The following LIN28B variants were observed in gnomAD, a reference collection of about 807,000 sequenced individuals.
The protein encoded by LIN28B is protein lin-28 homolog B.
Under a neutral mutation model 21.9 loss-of-function variants are expected in LIN28B, and 5 were observed. The ratio of observed to expected loss-of-function variants is 0.23; its 90% confidence interval spans 0.12 to 0.48. The LOEUF is 0.48. Among genes scored for constraint, LIN28B ranks in the 20% least tolerant of loss-of-function variants. The pLI is 0.98. For synonymous variants in LIN28B, 109 were observed against 111.3 expected, an observed-to-expected ratio of 0.98 and a Z score of 0.13; for missense variants, 245 against 310.5, an observed-to-expected ratio of 0.79 and a Z score of 1.58.
At chr6:105,031,199 T>C (rs1273792417) in intron 3 of LIN28B, among the ~76,000 whole-genome samples, 1 of 152,094 alleles carries the variant, frequency 6.6e-6, no homozygotes, top group East Asian at 1.9e-4. Flanking sequence ...TTTCTGAAAG[T>C]TATAATCTGT....
chr6:105,030,036 G>A (rs989380448), intron 3 of LIN28B, among the ~76,000 whole-genome samples: 1 of 152,134 alleles, frequency 6.6e-6, no homozygotes, highest in Admixed American at 6.6e-5. Flanking sequence ...TACTCTTACT[G>A]TGTGTCTTAT....
chr6:105,027,538 ATCTT>A (rs1314061181), intron 3 of LIN28B, among the ~76,000 whole-genome samples: 24 of 151,870 alleles, frequency 1.6e-4, no homozygotes, highest in African/African-American at 2.7e-4. Context: ...TAGGATATGA[ATCTT>A]TCTTCTCAAA....
At chr6:105,032,774 C>T (rs754274754) in intron 3 of LIN28B, among the ~76,000 whole-genome samples, 7 of 151,906 alleles carry the variant, frequency 4.6e-5, no homozygotes, top group Non-Finnish European at 8.8e-5. Flanking sequence ...GATATCTCAT[C>T]ATGGTTTTAA....
At chr6:105,026,732 C>T (rs1056094467) in intron 3 of LIN28B, among the ~76,000 whole-genome samples, 2 of 152,102 alleles carry the variant, frequency 1.3e-5, no homozygotes, top group African/African-American at 4.8e-5. Context: ...TCTGAGACCC[C>T]AGTTGAGGAG....
chr6:104,961,333 TACAA>T (rs1562072724), intron 2 of LIN28B, among the ~76,000 whole-genome samples: 1 of 152,214 alleles, frequency 6.6e-6, no homozygotes, highest in African/African-American at 2.4e-5. Flanking sequence ...TCTCGAGTAA[TACAA>T]ACACAGATTT....
At chr6:104,963,546 T>C (rs1197228629) in intron 2 of LIN28B, among the ~76,000 whole-genome samples, 2 of 152,220 alleles carry the variant, frequency 1.3e-5, no homozygotes, top group Non-Finnish European at 2.9e-5. Context: ...TTAAAGATTA[T>C]TGGTGTACTT....
At chr6:104,988,364 CT>C (rs967338832) in intron 2 of LIN28B, among the ~76,000 whole-genome samples, 3 of 151,074 alleles carry the variant, frequency 2.0e-5, no homozygotes, top group Non-Finnish European at 4.4e-5. Context: ...GATATAAAGC[CT>C]GATTTATAAG....
At chr6:104,970,477 G>A (rs867574231) in intron 2 of LIN28B, among the ~76,000 whole-genome samples, 6 of 152,048 alleles carry the variant, frequency 3.9e-5, no homozygotes, top group Admixed American at 6.6e-5. Context: ...AATATTTATC[G>A]ATATGTGTCT....
chr6:105,016,986 G>A (rs891367704), intron 2 of LIN28B, among the ~76,000 whole-genome samples: 1 of 148,248 alleles, frequency 6.7e-6, no homozygotes, highest in African/African-American at 2.5e-5. Context: ...AGTGAGAGGA[G>A]CCCTTGAGCC....
At position 105,078,549 on chromosome 6, in the gene LIN28B, C is replaced by T. The variant is rs140802515; in HGVS notation, c.519C>T (p.Pro173=). 1.3e-4 allele frequency: 209 copies of T among 1,614,072 alleles called. No homozygotes were observed. In the African/African-American group the frequency reaches 2.4e-3, roughly 18 times the overall value. ...NCPHKNVAQP[P]ASSQGRQEAE... Reference sequence around the variant, plus strand: ...CACATAAAAATGTTGCACAGCCACCCGCGAGTTCTCAGGGAAGACAGGAAG... The same window carrying T: ...CACATAAAAATGTTGCACAGCCACCTGCGAGTTCTCAGGGAAGACAGGAAG... Residue 173 remains proline, a synonymous_variant, in exon 4 of 4, where the codon CCC becomes CCT. Transcript: ENST00000345080.
intron 2 of LIN28B, among the ~76,000 whole-genome samples, chr6:105,015,614 C>G (rs1771011780): frequency 6.6e-6 from 1 of 152,066 alleles, no homozygotes; most frequent in Admixed American, 6.6e-5. Context: ...TTATGTCTTT[C>G]TGCTGCTGTC....
intron 3 of LIN28B, chr6:105,058,082 C>T (rs1248583807): frequency 4.9e-6 from 2 of 404,930 alleles, no homozygotes; most frequent in South Asian, 1.8e-5. Context: ...AATTTTTTGA[C>T]TCCTGGCTTG....
chr6:105,049,458 C>G (rs1771845462), intron 3 of LIN28B, among the ~76,000 whole-genome samples: 1 of 152,160 alleles, frequency 6.6e-6, no homozygotes, highest in African/African-American at 2.4e-5. Flanking sequence ...TGATGTGGTG[C>G]TGAGAAGAAT....
intron 2 of LIN28B, among the ~76,000 whole-genome samples, chr6:105,004,902 A>T (rs1300089027): frequency 6.6e-6 from 1 of 152,102 alleles, no homozygotes; most frequent in Non-Finnish European, 1.5e-5. Context: ...GGCCTGCTTG[A>T]TAGCTATTGT....
intron 2 of LIN28B, among the ~76,000 whole-genome samples, chr6:105,000,092 T>C (rs1770691284): frequency 6.6e-6 from 1 of 152,020 alleles, no homozygotes; most frequent in African/African-American, 2.4e-5. Context: ...AATACAGAAG[T>C]TTCAAATAAG....
In LIN28B at chr6:105,080,172, A is replaced by G. The variant is rs1244859555; in HGVS notation, c.*1389A>G. ...TAGAGTGATAAACTGGCTAGGGGCC[A>G]TAGTATTGGTCCTGTTAGGTTTCGG... is the stretch of plus-strand genomic sequence containing the variant. On this transcript the variant is annotated 3_prime_UTR_variant, in exon 4 of 4. Transcript: ENST00000345080. 5.2e-5 allele frequency: 8 copies of G among 152,562 alleles called. No individual in the cohort carries two copies. Among genetic ancestry groups the G allele is most frequent in the Admixed American group, 5.2e-4 (8 of 15,264 alleles). 9.5% of individuals were successfully genotyped at this position (152,562 alleles called of 1,614,324 possible).
intron 3 of LIN28B, chr6:104,950,658 C>G (rs150565414): frequency 4.8e-6 from 2 of 414,200 alleles, no homozygotes; most frequent in Non-Finnish European, 8.2e-6. Flanking sequence ...TCCTATACTT[C>G]GTCCTGATCA....
chr6:105,030,868 C>T (rs1196444885), intron 3 of LIN28B, among the ~76,000 whole-genome samples: 3 of 151,974 alleles, frequency 2.0e-5, no homozygotes, highest in South Asian at 2.1e-4. Context: ...AGATTACAGG[C>T]GTGAGCTACT....
intron 3 of LIN28B, among the ~76,000 whole-genome samples, chr6:105,063,220 C>A (rs186590224): frequency 2.0e-5 from 3 of 152,240 alleles, no homozygotes; most frequent in East Asian, 3.9e-4. Flanking sequence ...TAGAGTACTG[C>A]TAGGTATCTT....
Sources: allele counts gnomAD v4.1 joint callset (sites outside exome capture counted in the v4.1 genomes callset), GRCh38; gene constraint gnomAD v4.1.1; transcripts MANE v1.5; gene names NCBI Gene and HGNC (gene_info 2026-07-23, HGNC 2026-07-21).